Variants in SLC6A17 observed in about 807,000 individuals in gnomAD.
SLC6A17 encodes sodium-dependent neutral amino acid transporter SLC6A17.
Under a neutral mutation model 64.5 loss-of-function variants are expected in SLC6A17, and 21 were observed. The observed-to-expected ratio is 0.33, with a 90% CI of 0.23 to 0.47. The LOEUF (loss-of-function observed/expected upper bound fraction) is 0.47. Ranked by LOEUF, SLC6A17 falls within the 20% of genes least tolerant of loss-of-function variation. The pLI is 1.00. For synonymous variants in SLC6A17, 372 were observed against 399.5 expected, an observed-to-expected ratio of 0.93 and a Z score of 0.82; for missense variants, 682 against 963.2, an observed-to-expected ratio of 0.71 and a Z score of 3.86.
At chr1:110,191,856 C>CCACT in intron 6 of SLC6A17, 116 bp from the exon 7 acceptor site, 1 of 1,492,662 alleles carries the variant, frequency 6.7e-7, no homozygotes, top group South Asian at 1.4e-5. Flanking sequence ...CAGCTTCTTA[C>CCACT]CACTATGGGC....
chr1:110,197,559 G>A lies in SLC6A17; in HGVS notation c.1775G>A (p.Gly592Glu). Residue 592 changes from glycine (G) to glutamate (E), a missense_variant, in exon 11 of 12, where the codon GGG (glycine) becomes GAG (glutamate). Around this residue, in one of 3 missense-constraint regions of SLC6A17, gnomAD observed 264 missense variants for 339.5 expected, o/e 0.78. Transcript: ENST00000331565. ...VLTTASIIQLGVTPPGYSAWI... is the reference protein window; with the variant it reads ...VLTTASIIQLEVTPPGYSAWI... ...ACCACAGCCAGCATCATCCAGCTGG[G>A]GGTCACGCCCCCGGGCTACAGCGCC... 1.2e-6 allele frequency: 2 copies of A among 1,611,882 alleles called. No individual in the cohort carries two copies. Among genetic ancestry groups the A allele is most frequent in the African/African-American group, 2.7e-5 (2 of 74,986 alleles).
intron 2 of SLC6A17, among the ~76,000 whole-genome samples, chr1:110,167,973 A>G (rs1043163738): frequency 5.9e-5 from 9 of 152,242 alleles, no homozygotes; most frequent in African/African-American, 1.9e-4. Context: ...GGGCCTTCAC[A>G]CTGCCCCCTA....
In SLC6A17 at chr1:110,199,905, G is replaced by A. The variant is rs1168034309; in HGVS notation, c.*1461G>A. 17 of 368,282 alleles carry A rather than the reference G, an allele frequency of 4.6e-5. No individual in the cohort carries two copies. Among genetic ancestry groups the A allele is most frequent in the Non-Finnish European group, 5.3e-5 (11 of 207,426 alleles). The allele number at this position is 368,282 out of a possible 1,614,324, so 22.8% of individuals were successfully genotyped here. On this transcript the variant is annotated 3_prime_UTR_variant, in exon 12 of 12. Coordinates refer to ENST00000331565, the MANE Select transcript of SLC6A17 (RefSeq NM_001010898.4). ...AGTGGGGGTGGATGGATGGATAGAT[G>A]GATGGATGGATGGATGGATGGGTTG...
At chr1:110,197,676 C>A (rs112077597) in intron 11 of SLC6A17, 77 bp downstream of exon 11, 3 of 1,451,016 alleles carry the variant, frequency 2.1e-6, no homozygotes, top group Admixed American at 2.5e-5. Context: ...TAGGGATACA[C>A]CTTTCTAGGG....
rs536570325 is a variant in SLC6A17, at chr1:110,167,099, C to T, written c.170C>T (p.Ala57Val). ...KQKAVEEELDAEDRPAWNSKL... is the reference protein window; with the variant it reads ...KQKAVEEELDVEDRPAWNSKL... ...AAGGCGGTGGAGGAGGAGCTGGATGCAGAGGACCGGCCGGCCTGGAACAGT... is the reference window on the plus strand; with the variant it reads ...AAGGCGGTGGAGGAGGAGCTGGATGTAGAGGACCGGCCGGCCTGGAACAGT... The change falls in exon 2 of 12, where the codon GCA becomes GTA. Residue 57 changes from alanine to valine, a missense_variant. Ala to Val is a moderately conservative substitution (Grantham distance 64). Coordinates refer to ENST00000331565, the MANE Select transcript of SLC6A17 (RefSeq NM_001010898.4). 1.2e-5 allele frequency: 20 copies of T among 1,612,396 alleles called. No individual in the cohort carries two copies. The African/African-American group carries it at 2.7e-4, about 22-fold the overall frequency.
rs188607723 is a variant in SLC6A17 at position 110,167,589 on chromosome 1, C to T, written c.286+374C>T. Among the ~76,000 whole-genome samples, 7 of 152,272 alleles carry T rather than the reference C, an allele frequency of 4.6e-5. No individual in the cohort carries two copies. In the South Asian group the frequency reaches 6.2e-4, roughly 14 times the overall value. ...AGCTTTACGTGCAGAATGGGCAACA[C>T]GCTACCTGACACGGTAAGGAGCACC... On this transcript the variant is annotated intron_variant, in intron 2 of 11. Transcript: ENST00000331565.
intron 5 of SLC6A17, among the ~76,000 whole-genome samples, chr1:110,175,279 C>A (rs1007388492): frequency 3.9e-5 from 6 of 152,214 alleles, no homozygotes; most frequent in Non-Finnish European, 8.8e-5. Context: ...AGATTCTAGA[C>A]CCTCAGGTTC....
chr1:110,178,280 C>G (rs1385270852), intron 6 of SLC6A17, among the ~76,000 whole-genome samples: 3 of 152,114 alleles, frequency 2.0e-5, no homozygotes, highest in Non-Finnish European at 2.9e-5. Flanking sequence ...AGATGGGCCC[C>G]TCAATGTTGT....
At chr1:110,164,653 A>G (rs1383424212) in intron 1 of SLC6A17, among the ~76,000 whole-genome samples, 1 of 152,228 alleles carries the variant, frequency 6.6e-6, no homozygotes, top group Non-Finnish European at 1.5e-5. Context: ...CATCTTGGGA[A>G]GAAGGAGGAA....
chr1:110,167,104 G>A lies in SLC6A17; in HGVS notation c.175G>A (p.Asp59Asn), dbSNP rs747555317. ...GGTGGAGGAGGAGCTGGATGCAGAG[G>A]ACCGGCCGGCCTGGAACAGTAAGCT... Reference protein sequence around the residue: ...KAVEEELDAEDRPAWNSKLQY... With the variant: ...KAVEEELDAENRPAWNSKLQY... The change falls in exon 2 of 12, where the codon GAC becomes AAC. Residue 59 changes from aspartate to asparagine, a missense_variant. Physicochemically the swap from Asp to Asn is conservative, Grantham distance 23. Coordinates refer to ENST00000331565, the MANE Select transcript of SLC6A17 (RefSeq NM_001010898.4). 7.3e-5 allele frequency: 118 copies of A among 1,612,768 alleles called. 1 individual carries two copies. The highest frequency in any genetic ancestry group is 5.5e-5 in the Non-Finnish European group (65 of 1,179,674).
chr1:110,182,422 G>A (rs1455274577), intron 6 of SLC6A17, among the ~76,000 whole-genome samples: 9 of 152,128 alleles, frequency 5.9e-5, no homozygotes, highest in Non-Finnish European at 1.2e-4. Flanking sequence ...TTGGATGTAT[G>A]GATCTAGAGG....
chr1:110,151,462 G>A (rs941082649), intron 1 of SLC6A17, among the ~76,000 whole-genome samples: 2 of 152,228 alleles, frequency 1.3e-5, no homozygotes, highest in Non-Finnish European at 2.9e-5. Flanking sequence ...CCTCCCTCGT[G>A]GGAAGCGCAT....
At chr1:110,165,492 G>C (rs538344516) in intron 1 of SLC6A17, among the ~76,000 whole-genome samples, 3 of 152,214 alleles carry the variant, frequency 2.0e-5, no homozygotes, top group Admixed American at 2.0e-4. Context: ...AAGACTCACT[G>C]TTCCCTTGGA....
At chr1:110,191,937 T>G in intron 6 of SLC6A17, 35 bp from the exon 7 acceptor site, 1 of 1,601,242 alleles carries the variant, frequency 6.2e-7, no homozygotes, top group Non-Finnish European at 8.5e-7. Context: ...CCTCTGTGTC[T>G]CTTTTCTTCC....
chr1:110,191,969 T>C lies in SLC6A17; in HGVS notation c.865-3T>C, dbSNP rs1656837161. On this transcript the variant is annotated splice_polypyrimidine_tract_variant and splice_region_variant and intron_variant, in intron 6 of 11. Transcript: ENST00000331565. ...TTCCTCCTGCCTTGGTCTTCTGCCATAGCTGGACAAGATGCTGGACCCCCA... is the reference window on the plus strand; with the variant it reads ...TTCCTCCTGCCTTGGTCTTCTGCCACAGCTGGACAAGATGCTGGACCCCCA... The C allele has an allele frequency of 6.2e-7, 1 of 1,613,258 alleles. No individual in the cohort carries two copies. Among genetic ancestry groups the C allele is most frequent in the Non-Finnish European group, 8.5e-7 (1 of 1,179,342 alleles).
At chr1:110,185,513 C>T (rs1333352649) in intron 6 of SLC6A17, among the ~76,000 whole-genome samples, 7 of 152,230 alleles carry the variant, frequency 4.6e-5, no homozygotes, top group South Asian at 2.1e-4. Flanking sequence ...ACGAGTCAAA[C>T]GCCTTGATAC....
rs893273135 is a variant in SLC6A17, at chr1:110,202,193, T to C, written c.*3749T>C. The C allele has an allele frequency of 6.6e-6, 1 of 152,260 alleles. No homozygotes were observed. The highest frequency in any genetic ancestry group is 2.4e-5 in the African/African-American group (1 of 41,438). 9.4% of individuals were successfully genotyped at this position (152,260 alleles called of 1,614,324 possible). A position where few individuals can be genotyped will look rare whatever the true frequency, so the allele number is the denominator to read the frequency against. Reference sequence around the variant, plus strand: ...CCATAGTGTGCAATAAAGTGTCTGTTCTTACCAAACCCTTCTTGCCTTTCT... The same window carrying C: ...CCATAGTGTGCAATAAAGTGTCTGTCCTTACCAAACCCTTCTTGCCTTTCT... On this transcript the variant is annotated 3_prime_UTR_variant, in exon 12 of 12. Transcript: ENST00000331565.
In SLC6A17 at chr1:110,198,392, G is replaced by T. The variant is rs377322582; in HGVS notation, c.2132G>T (p.Gly711Val). ...CTGGAGACCAGCGGTAACCCCAATG[G>T]ACGCTATGGGAGCGGCTACCTGCTG... ...SPLETSGNPN[G>V]RYGSGYLLAS... The change falls in exon 12 of 12, where the codon GGA (glycine) becomes GTA (valine). Residue 711 changes from glycine to valine, a missense_variant. Physicochemically the swap from Gly to Val is moderately radical, Grantham distance 109. Coordinates refer to ENST00000331565, the MANE Select transcript of SLC6A17 (RefSeq NM_001010898.4). The T allele has an allele frequency of 1.7e-5, 28 of 1,613,808 alleles. No individual in the cohort carries two copies. Among genetic ancestry groups the T allele is most frequent in the Non-Finnish European group, 2.3e-5 (27 of 1,180,004 alleles).
intron 1 of SLC6A17, chr1:110,166,246 A>T (rs952503508): frequency 6.6e-6 from 1 of 151,570 alleles, no homozygotes; most frequent in African/African-American, 2.4e-5. Flanking sequence ...TGCCATCGGC[A>T]CTGGTGTCCA....
Sources: allele counts gnomAD v4.1 joint callset (sites outside exome capture counted in the v4.1 genomes callset), GRCh38; gene constraint gnomAD v4.1.1; regional missense constraint gnomAD v4.1.1; transcripts MANE v1.5; gene names NCBI Gene and HGNC (gene_info 2026-07-23, HGNC 2026-07-21).